The following TNFRSF10B variants were observed in gnomAD, a reference collection of about 807,000 sequenced individuals.
TNFRSF10B encodes TNF receptor superfamily member 10b.
Under a neutral mutation model 41.4 loss-of-function variants are expected in TNFRSF10B, and 35 were observed. The observed-to-expected ratio is 0.85, with a 90% CI of 0.65 to 1.12. The LOEUF (loss-of-function observed/expected upper bound fraction) is 1.12, where lower values mean the gene tolerates loss of function less well. Ranked by LOEUF, TNFRSF10B falls within the 50% of genes most tolerant of loss-of-function variation. The pLI, the probability that TNFRSF10B is intolerant of heterozygous loss-of-function variation, is 0.00. For synonymous variants in TNFRSF10B, 230 were observed against 215.5 expected, an observed-to-expected ratio of 1.07 and a Z score of -0.59; for missense variants, 584 against 552.7, an observed-to-expected ratio of 1.06 and a Z score of -0.57.
Position 23,029,727 on chromosome 8 carries a change from G to A in TNFRSF10B, c.365-6C>T, listed in dbSNP as rs746184118. On this transcript the variant is annotated splice_region_variant and splice_polypyrimidine_tract_variant and intron_variant, in intron 3 of 8. Transcript: ENST00000276431. ...GGGACTTAGCTCCACTTCACCTGAC[G>A]ACAGAGCATAAGGTTTTGGGAATGT... 8.7e-6 allele frequency: 14 copies of A among 1,611,766 alleles called. No homozygotes were observed. Among genetic ancestry groups the A allele is most frequent in the African/African-American group, 6.7e-5 (5 of 74,786 alleles).
intron 1 of TNFRSF10B, among the ~76,000 whole-genome samples, chr8:23,058,409 CTATT>C (rs2128820190): frequency 6.6e-6 from 1 of 151,880 alleles, no homozygotes; most frequent in East Asian, 1.9e-4. Context: ...TTTGTCCATT[CTATT>C]TTTTACCTGT....
chr8:23,028,308 C>T (rs878918000), intron 5 of TNFRSF10B, 23 bp downstream of exon 5: 3 of 1,613,464 alleles, frequency 1.9e-6, no homozygotes, highest in East Asian at 2.2e-5. Context: ...TGCCCTGTGC[C>T]CCCGCCCTCA....
At chr8:23,065,312 A>G (rs529563930) in intron 1 of TNFRSF10B, among the ~76,000 whole-genome samples, 1 of 152,346 alleles carries the variant, frequency 6.6e-6, no homozygotes, top group South Asian at 2.1e-4. Context: ...CAGCAGGGGC[A>G]GAGGACCCTG....
intron 7 of TNFRSF10B, among the ~76,000 whole-genome samples, chr8:23,024,949 C>G (rs1811658092): frequency 6.6e-6 from 1 of 152,014 alleles, no homozygotes; most frequent in South Asian, 2.1e-4. Context: ...TGAGACCAGC[C>G]TAGGCGACAT....
intron 1 of TNFRSF10B, among the ~76,000 whole-genome samples, chr8:23,065,861 C>T (rs1812965574): frequency 1.3e-5 from 2 of 151,792 alleles, no homozygotes; most frequent in Admixed American, 1.3e-4. Context: ...AAAATGTAAT[C>T]AACAGAAACA....
rs764710679 is a variant in TNFRSF10B, at chr8:23,024,267, C to A, written c.937-7G>T. 4 of 1,614,020 alleles carry A rather than the reference C, an allele frequency of 2.5e-6. No individual in the cohort carries two copies. The highest frequency in any genetic ancestry group is 3.4e-6 in the Non-Finnish European group (4 of 1,179,948). On this transcript the variant is annotated splice_region_variant and splice_polypyrimidine_tract_variant and intron_variant, in intron 7 of 8. Transcript: ENST00000276431. ...TTTCAGCTTCTGCCGGTTCCTGTAA[C>A]ACATAGTGGGGAATGTCCTGGTCAG...
chr8:23,033,381 G>A (rs947239291), intron 2 of TNFRSF10B, among the ~76,000 whole-genome samples: 24 of 151,766 alleles, frequency 1.6e-4, no homozygotes, highest in Non-Finnish European at 3.4e-4. Context: ...TCAGGAGATC[G>A]AGACCATCCT....
chr8:23,020,221 T>G lies in TNFRSF10B; in HGVS notation c.*2450A>C, dbSNP rs1378733237. The G allele has an allele frequency of 4.4e-6, 2 of 452,932 alleles. No individual in the cohort carries two copies. The highest frequency in any genetic ancestry group is 2.0e-5 in the African/African-American group (1 of 49,966). 28.1% of individuals were successfully genotyped at this position (452,932 alleles called of 1,614,324 possible). A position where few individuals can be genotyped will look rare whatever the true frequency, so the allele number is the denominator to read the frequency against. ...ACAATGTGCTTCCTTGTTTGTATTA[T>G]AACACATTTCAAATAGGGACCTTTG... On this transcript the variant is annotated 3_prime_UTR_variant, in exon 9 of 9. Transcript: ENST00000276431.
Position 23,022,410 on chromosome 8 carries a change from A to G in TNFRSF10B, c.*261T>C, listed in dbSNP as rs1239290218. 2 of 611,226 alleles carry G rather than the reference A, an allele frequency of 3.3e-6. No individual in the cohort carries two copies. The highest frequency in any genetic ancestry group is 2.1e-5 in the Admixed American group (1 of 47,216). 37.9% of individuals were successfully genotyped at this position (611,226 alleles called of 1,614,324 possible). A position where few individuals can be genotyped will look rare whatever the true frequency, so the allele number is the denominator to read the frequency against. ...TGTGAAAACAATGACATCCCAAACC[A>G]AATCTCAAAGTACGCACAAACGGAA... On this transcript the variant is annotated 3_prime_UTR_variant, in exon 9 of 9. Transcript: ENST00000276431.
chr8:23,033,684 C>A (rs1014011712), intron 2 of TNFRSF10B, among the ~76,000 whole-genome samples: 3 of 147,252 alleles, frequency 2.0e-5, no homozygotes, highest in Middle Eastern at 3.4e-3. Flanking sequence ...ACTTAGGCTG[C>A]TATAATAAAA....
At chr8:23,064,045 A>C (rs1812911849) in intron 1 of TNFRSF10B, among the ~76,000 whole-genome samples, 1 of 152,246 alleles carries the variant, frequency 6.6e-6, no homozygotes. Flanking sequence ...CGCATATGCA[A>C]GGAGCCGTGG....
At chr8:23,026,965 GGCACGGTCACCACCTCA>G (rs1811721134) in intron 7 of TNFRSF10B, among the ~76,000 whole-genome samples, 151 bp downstream of exon 7, 1 of 152,170 alleles carries the variant, frequency 6.6e-6, no homozygotes, top group Non-Finnish European at 1.5e-5. Flanking sequence ...CCTGCAGACT[GGCACGGTCACCACCTCA>G]GTGCAGCTGC....
chr8:23,062,365 TG>T (rs1259280489), intron 1 of TNFRSF10B, among the ~76,000 whole-genome samples: 1 of 152,034 alleles, frequency 6.6e-6, no homozygotes, highest in East Asian at 1.9e-4. Flanking sequence ...GGATCACAGG[TG>T]TGCTCCCCCG....
chr8:23,030,444 C>G (rs1383335209), intron 3 of TNFRSF10B, among the ~76,000 whole-genome samples: 1 of 152,024 alleles, frequency 6.6e-6, no homozygotes, highest in Admixed American at 6.6e-5. Context: ...TCCTAAGTAG[C>G]TGGAAATACA....
intron 2 of TNFRSF10B, among the ~76,000 whole-genome samples, chr8:23,034,890 T>C (rs1811987147): frequency 6.6e-6 from 1 of 152,250 alleles, no homozygotes; most frequent in Non-Finnish European, 1.5e-5. Flanking sequence ...CAGTGGATTA[T>C]CATACGCTTA....
In TNFRSF10B at chr8:23,048,769, T is replaced by C. The variant is rs192609991; in HGVS notation, c.145-5526A>G. 5.4e-4 allele frequency among the ~76,000 whole-genome samples: 83 copies of C among 152,304 alleles called. 3 individuals carry two copies. Among genetic ancestry groups the C allele is most frequent in the Non-Finnish European group, 1.1e-3 (72 of 68,024 alleles). The stretch of plus-strand genomic sequence containing the variant: ...TAACTTTGTACCCTATAAATCCCCA[T>C]AAATACATACAATTTATTGGGAGTT... On this transcript the variant is annotated intron_variant, in intron 1 of 8. Coordinates refer to ENST00000276431, the MANE Select transcript of TNFRSF10B (RefSeq NM_003842.5).
chr8:23,020,684 TC>T lies in TNFRSF10B; in HGVS notation c.*1986del. On this transcript the variant is annotated 3_prime_UTR_variant, in exon 9 of 9. Transcript: ENST00000276431. ...TCCAGCCTGGGCGAGAGAGTGAGAT[TC>T]TGTCTCAAAAAAATTAAAAATAAAA... 2.2e-6 allele frequency: 1 copy of T among 453,818 alleles called. No individual in the cohort carries two copies. The highest frequency in any genetic ancestry group is 1.6e-5 in the South Asian group (1 of 64,410). 28.1% of individuals were successfully genotyped at this position (453,818 alleles called of 1,614,324 possible).
Position 23,022,996 on chromosome 8 carries a change from A to AG in TNFRSF10B, c.1010-13dup. 2 of 1,608,434 alleles carry AG rather than the reference A, an allele frequency of 1.2e-6. No homozygotes were observed. Among genetic ancestry groups the AG allele is most frequent in the Non-Finnish European group, 1.7e-6 (2 of 1,179,958 alleles). ...GCACTGTCTCAGAGCTGGTGGAGAA[A>AG]GCCACAGAGACAGCCAGGTGAGTTG... is the stretch of plus-strand genomic sequence containing the variant. On this transcript the variant is annotated splice_polypyrimidine_tract_variant and intron_variant, in intron 8 of 8. Coordinates refer to ENST00000276431, the MANE Select transcript of TNFRSF10B (RefSeq NM_003842.5).
chr8:23,065,376 G>A (rs1338856630), intron 1 of TNFRSF10B, among the ~76,000 whole-genome samples: 1 of 152,214 alleles, frequency 6.6e-6, no homozygotes, highest in Non-Finnish European at 1.5e-5. Flanking sequence ...CAGAGGCCAA[G>A]TGCAGGGCAG....
Sources: allele counts gnomAD v4.1 joint callset (sites outside exome capture counted in the v4.1 genomes callset), GRCh38; gene constraint gnomAD v4.1.1; transcripts MANE v1.5; gene names NCBI Gene and HGNC (gene_info 2026-07-23, HGNC 2026-07-21).